The following ITPKA variants were observed in gnomAD, a reference collection of about 807,000 sequenced individuals.
ITPKA encodes the protein IP3 3-kinase A.
ITPKA carries 16 observed loss-of-function variants against 40.7 expected under a neutral mutation model. That is an observed-to-expected ratio of 0.39 (90% confidence interval 0.27 to 0.60). ITPKA has a LOEUF of 0.60. Ranked by LOEUF, ITPKA falls within the 20% of genes least tolerant of loss-of-function variation. The pLI is 0.50. For missense variants in ITPKA, 540 were observed against 649.3 expected, an observed-to-expected ratio of 0.83 and a Z score of 1.83; for synonymous variants, 313 against 289.9, an observed-to-expected ratio of 1.08 and a Z score of -0.81.
At chr15:41,498,013 G>A (rs1296823828) in intron 1 of ITPKA, among the ~76,000 whole-genome samples, 3 of 152,048 alleles carry the variant, frequency 2.0e-5, no homozygotes, top group Admixed American at 1.3e-4. Flanking sequence ...TTAGCCAGGC[G>A]TTGGTGGTGC....
At position 41,503,023 on chromosome 15, in the gene ITPKA, A is replaced by G. The variant is rs1162534117; in HGVS notation, c.1243A>G (p.Ile415Val). 1.9e-6 allele frequency: 3 copies of G among 1,610,004 alleles called. No individual in the cohort carries two copies. The highest frequency in any genetic ancestry group is 2.5e-6 in the Non-Finnish European group (3 of 1,177,766). The change falls in exon 7 of 7, where the codon ATC becomes GTC. Residue 415 changes from isoleucine (I) to valine (V), a missense_variant. Coordinates refer to ENST00000260386, the MANE Select transcript of ITPKA (RefSeq NM_002220.3). ...CTGCCATCGCGCCGGCGTGTGGCTC[A>G]TCGACTTCGGCAAGACCACGCCCCT... ...DHCHRAGVWL[I>V]DFGKTTPLPD...
chr15:41,502,800 A>G lies in ITPKA; in HGVS notation c.1123A>G (p.Asn375Asp). The G allele has an allele frequency of 6.2e-7, 1 of 1,610,306 alleles. No homozygotes were observed. Among genetic ancestry groups the G allele is most frequent in the South Asian group, 1.1e-5 (1 of 90,542 alleles). ...CCACCCTCTGCAGAGGCGGTATCTG[A>G]ACCGCCTGCAGCAGATCCGGGACAC... is the stretch of plus-strand genomic sequence containing the variant. ...GDEEVLRRYL[N>D]RLQQIRDTLE... The change falls in exon 6 of 7, where the codon AAC (asparagine) becomes GAC (aspartate). Residue 375 changes from asparagine (N) to aspartate (D), a missense_variant. By Grantham distance (23) the Asn-to-Asp change is conservative. Coordinates refer to ENST00000260386, the MANE Select transcript of ITPKA (RefSeq NM_002220.3).
chr15:41,498,116 CAAAT>C (rs1425383975), intron 1 of ITPKA, among the ~76,000 whole-genome samples: 10 of 151,782 alleles, frequency 6.6e-5, no homozygotes, highest in Non-Finnish European at 1.5e-4. Context: ...TCGCACCACT[CAAAT>C]AAATATGTAC....
Position 41,494,279 on chromosome 15 carries a change from C to T in ITPKA, c.352C>T (p.Arg118Cys), listed in dbSNP as rs761348946. Residue 118 changes from arginine to cysteine, a missense_variant, in exon 1 of 7, where the codon CGC becomes TGC. Physicochemically the swap from Arg to Cys is radical, Grantham distance 180. Coordinates refer to ENST00000260386, the MANE Select transcript of ITPKA (RefSeq NM_002220.3). This position sits in a 1 kb window ranked among gnomAD's most constrained non-coding sequence, Gnocchi z 7.8. ...GGGCTCTTCGCACCTGCAGCAGCCG[C>T]GCCGCCTTTCCACCTCGTCGGTCTC... Reference protein sequence around the residue: ...AAGSSHLQQPRRLSTSSVSST... With the variant: ...AAGSSHLQQPCRLSTSSVSST... 7 of 1,548,294 alleles carry T rather than the reference C, an allele frequency of 4.5e-6. No homozygotes were observed. Among genetic ancestry groups the T allele is most frequent in the Admixed American group, 1.9e-5 (1 of 53,466 alleles).
At chr15:41,499,911 C>T (rs2051098643) in intron 1 of ITPKA, among the ~76,000 whole-genome samples, 1 of 152,180 alleles carries the variant, frequency 6.6e-6, no homozygotes, top group Non-Finnish European at 1.5e-5. Flanking sequence ...CCCTCGTCTC[C>T]TTCCCAGGTT....
intron 1 of ITPKA, among the ~76,000 whole-genome samples, chr15:41,500,724 G>T (rs2051103476): frequency 6.6e-6 from 1 of 152,004 alleles, no homozygotes; most frequent in Non-Finnish European, 1.5e-5. Context: ...AAAAATTTGG[G>T]GGGCCGGGCC....
chr15:41,498,783 TCAC>T, intron 1 of ITPKA, among the ~76,000 whole-genome samples: 1 of 152,296 alleles, frequency 6.6e-6, no homozygotes, highest in African/African-American at 2.4e-5. Context: ...GCACATCACT[TCAC>T]CACGCACAAA....
At chr15:41,497,655 A>C (rs1335616366) in intron 1 of ITPKA, among the ~76,000 whole-genome samples, 1 of 152,196 alleles carries the variant, frequency 6.6e-6, no homozygotes, top group East Asian at 1.9e-4. Flanking sequence ...CATTACTGGC[A>C]GGGGGGCTAA....
chr15:41,499,007 T>G (rs528493672), intron 1 of ITPKA, among the ~76,000 whole-genome samples: 2 of 152,268 alleles, frequency 1.3e-5, no homozygotes, highest in Admixed American at 1.3e-4. Flanking sequence ...ATGATACCAC[T>G]TCACGCACTT....
At position 41,498,306 on chromosome 15, in the gene ITPKA, C is replaced by CAA. The variant is rs761859856; in HGVS notation, c.490-3137_490-3136dup. On this transcript the variant is annotated intron_variant, in intron 1 of 6. Transcript: ENST00000260386. ...GGACAATGGGAGTGAGACCTTGTCT[C>CAA]AAAAAAAAAAAAAAAAAAAAAGTAT... is the stretch of plus-strand genomic sequence containing the variant. Among the ~76,000 whole-genome samples, 490 of 73,604 alleles carry CAA rather than the reference C, an allele frequency of 6.7e-3. 7 individuals carry two copies. The highest frequency in any genetic ancestry group is 0.025 in the South Asian group (50 of 1,988). The allele number at this position is 73,604 out of a possible 152,430, so 48.3% of individuals were successfully genotyped here.
At chr15:41,499,723 G>A (rs921547984) in intron 1 of ITPKA, among the ~76,000 whole-genome samples, 3 of 152,090 alleles carry the variant, frequency 2.0e-5, no homozygotes, top group Non-Finnish European at 2.9e-5. Context: ...GTGGGGAGGC[G>A]GCAGACACAG....
chr15:41,497,981 G>A lies in ITPKA; in HGVS notation c.490-3482G>A, dbSNP rs576720524. Among the ~76,000 whole-genome samples the A allele has an allele frequency of 3.0e-4, 46 of 152,044 alleles. No homozygotes were observed. The Middle Eastern group carries it at 0.01, about 34-fold the overall frequency. On this transcript the variant is annotated intron_variant, in intron 1 of 6. Coordinates refer to ENST00000260386, the MANE Select transcript of ITPKA (RefSeq NM_002220.3). The stretch of plus-strand genomic sequence containing the variant: ...AGCCTGGCCAACATGATGAAACCCC[G>A]TCTCTACTAAAAATATAAAAATTAG...
At chr15:41,501,382 G>T in intron 1 of ITPKA, 81 bp from the exon 2 acceptor site, 2 of 1,533,340 alleles carry the variant, frequency 1.3e-6, no homozygotes, top group South Asian at 2.5e-5. Context: ...TCGGGGGCGT[G>T]GCGAGACCCT....
At chr15:41,501,148 G>A (rs1190832890) in intron 1 of ITPKA, 2 of 172,176 alleles carry the variant, frequency 1.2e-5, no homozygotes, top group African/African-American at 2.4e-5. Context: ...CAAAAACCTC[G>A]ACAGAGCATT....
Position 41,503,391 on chromosome 15 carries a change from G to C in ITPKA, c.*225G>C. On this transcript the variant is annotated 3_prime_UTR_variant, in exon 7 of 7. Coordinates refer to ENST00000260386, the MANE Select transcript of ITPKA (RefSeq NM_002220.3). ...CCAAATGACACTAACTTATAGAAGG[G>C]GAGGGGGCAAAGGGCTTCTTCCTCA... is the stretch of plus-strand genomic sequence containing the variant. 1.7e-6 allele frequency: 1 copy of C among 593,674 alleles called. No individual in the cohort carries two copies. Among genetic ancestry groups the C allele is most frequent in the Non-Finnish European group, 3.0e-6 (1 of 331,528 alleles). 36.8% of individuals were successfully genotyped at this position (593,674 alleles called of 1,614,324 possible).
Position 41,501,677 on chromosome 15 carries a change from G to T in ITPKA, c.629G>T (p.Arg210Leu). The change falls in exon 3 of 7, where the codon CGC (arginine) becomes CTC (leucine). Residue 210 changes from arginine to leucine, a missense_variant. Transcript: ENST00000260386. ...GGCACCAGCGGGCTGATCCTGAAGC[G>T]CTGCTCGGAGCCGGAGCGCTACTGC... ...AAGTSGLILK[R>L]CSEPERYCLA... 6.2e-7 allele frequency: 1 copy of T among 1,609,548 alleles called. No homozygotes were observed. The highest frequency in any genetic ancestry group is 2.2e-5 in the East Asian group (1 of 44,746).
intron 2 of ITPKA, 25 bp downstream of exon 2, chr15:41,501,584 G>T: frequency 2.2e-6 from 1 of 444,872 alleles, no homozygotes; most frequent in Non-Finnish European, 4.5e-6. Flanking sequence ...GGGTGGGCGG[G>T]TGCCCGCGAC....
rs1367999466 is a variant in ITPKA, at chr15:41,501,616, G to A, written c.587-19G>A. 1.9e-6 allele frequency: 3 copies of A among 1,595,532 alleles called. No individual in the cohort carries two copies. The highest frequency in any genetic ancestry group is 2.7e-5 in the African/African-American group (2 of 74,582). ...CGACGGGAAGGGGCTGGGCGGCGCT[G>A]ACGGATGCCGGTCCTCAGGGAGTTT... is the stretch of plus-strand genomic sequence containing the variant. On this transcript the variant is annotated intron_variant, in intron 2 of 6. Coordinates refer to ENST00000260386, the MANE Select transcript of ITPKA (RefSeq NM_002220.3).
At chr15:41,496,562 G>A (rs2051073699) in intron 1 of ITPKA, among the ~76,000 whole-genome samples, 1 of 152,180 alleles carries the variant, frequency 6.6e-6, no homozygotes, top group Non-Finnish European at 1.5e-5. Context: ...TGACTCTATG[G>A]CCTTGCCTGC....
Sources: allele counts gnomAD v4.1 joint callset (sites outside exome capture counted in the v4.1 genomes callset), GRCh38; gene constraint gnomAD v4.1.1; non-coding constraint Gnocchi (gnomAD v3.1); transcripts MANE v1.5; gene names NCBI Gene and HGNC (gene_info 2026-07-23, HGNC 2026-07-21).